Variants in CACNA1A observed in about 807,000 individuals in gnomAD.
The protein encoded by CACNA1A is voltage-dependent P/Q-type calcium channel subunit alpha-1A.
A neutral mutation model predicts 262.4 loss-of-function variants in CACNA1A; 57 were observed. The observed-to-expected ratio is 0.22, with a 90% CI of 0.18 to 0.27. The LOEUF (loss-of-function observed/expected upper bound fraction) is 0.27. CACNA1A is among the 10% of genes least tolerant of loss of function. The pLI is 1.00. For synonymous variants in CACNA1A, 1,431 were observed against 1,419.3 expected (o/e 1.01, Z -0.18); for missense variants, 2,526 against 3,562.8 (o/e 0.71, Z 7.41).
chr19:13,443,482 T>C (rs541207691), intron 3 of CACNA1A, among the ~76,000 whole-genome samples: 2 of 152,202 alleles, frequency 1.3e-5, no homozygotes, highest in African/African-American at 4.8e-5. Context: ...GCTGGGACTA[T>C]AGGCATGTAC....
rs1188726884 is a variant in CACNA1A at position 13,330,256 on chromosome 19, T to C, written c.1333A>G (p.Ile445Val). The C allele has an allele frequency of 2.6e-6, 4 of 1,556,918 alleles. No individual in the cohort carries two copies. The highest frequency in any genetic ancestry group is 3.5e-6 in the Non-Finnish European group (4 of 1,149,142). ...GGAAGGGACTCACCCACAGAGGCTA[T>C]ATCAGCCAGCTGATCCTCAGCCTCT... ...PEEAEDQLADIASVGSPFARA... is the reference protein window; with the variant it reads ...PEEAEDQLADVASVGSPFARA... Residue 445 changes from isoleucine (I) to valine (V), a missense_variant, in exon 10 of 47, where the codon ATA becomes GTA. By Grantham distance (29) the Ile-to-Val change is conservative (BLOSUM62 3). Around this residue, in one of 17 missense-constraint regions of CACNA1A, gnomAD observed 104 missense variants for 127.6 expected, o/e 0.81. Coordinates refer to ENST00000360228, the MANE Select transcript of CACNA1A (RefSeq NM_001127222.2).
chr19:13,248,762 G>A (rs2056319991), intron 30 of CACNA1A, among the ~76,000 whole-genome samples: 1 of 151,602 alleles, frequency 6.6e-6, no homozygotes, highest in Non-Finnish European at 1.5e-5. Flanking sequence ...ACAATTGCTT[G>A]AACCCGGGAA....
Position 13,298,625 on chromosome 19 carries a change from C to A in CACNA1A, c.3008G>T (p.Arg1003Ile). 1 of 1,529,554 alleles carries A rather than the reference C, an allele frequency of 6.5e-7. No individual in the cohort carries two copies. The highest frequency in any genetic ancestry group is 8.8e-7 in the Non-Finnish European group (1 of 1,137,364). 94.7% of individuals were successfully genotyped at this position (1,529,554 alleles called of 1,614,324 possible). A position where few individuals can be genotyped will look rare whatever the true frequency, so the allele number is the denominator to read the frequency against. ...GGCTGGAGCGCCATGCCGGTGCCTTCTCCTGCGCTCGCCCCCGTCGGGGCC... is the reference window on the plus strand; with the variant it reads ...GGCTGGAGCGCCATGCCGGTGCCTTATCCTGCGCTCGCCCCCGTCGGGGCC... ...GEGPDGGERR[R>I]RHRHGAPATY... The change falls in exon 19 of 47, where the codon AGA becomes ATA. Residue 1003 changes from arginine to isoleucine, a missense_variant. Physicochemically the swap from Arg to Ile is moderately conservative, Grantham distance 97. Coordinates refer to ENST00000360228, the MANE Select transcript of CACNA1A (RefSeq NM_001127222.2).
At chr19:13,223,770 C>T (rs2055328329) in intron 38 of CACNA1A, among the ~76,000 whole-genome samples, 1 of 152,158 alleles carries the variant, frequency 6.6e-6, no homozygotes, top group East Asian at 1.9e-4. Flanking sequence ...GAGACACTGC[C>T]TTACCTCCTC....
chr19:13,212,299 G>A lies in CACNA1A; in HGVS notation c.6190-83C>T. ...TGTCTGCAGAGGGAGGGAGCTGCAG[G>A]TGTGTGTGTGTGGGGGGCCCAGATC... On this transcript the variant is annotated intron_variant, in intron 42 of 46. Coordinates refer to ENST00000360228, the MANE Select transcript of CACNA1A (RefSeq NM_001127222.2). The surrounding 1 kb of genome is among the most constrained non-coding windows in gnomAD (Gnocchi z 5.6). 6 of 1,542,874 alleles carry A rather than the reference G, an allele frequency of 3.9e-6. No individual in the cohort carries two copies. The highest frequency in any genetic ancestry group is 2.3e-5 in the South Asian group (2 of 88,156).
intron 7 of CACNA1A, 68 bp from the exon 8 acceptor site, chr19:13,334,561 T>TTGTGTGTGTGTGTG (rs1196739807): frequency 8.3e-5 from 26 of 312,718 alleles, no homozygotes; most frequent in African/African-American, 6.7e-4. Flanking sequence ...GTGTGTGTGT[T>TTGTGTGTGTGTGTG]TGTGTGTGTG....
At chr19:13,345,878 C>A (rs929498417) in intron 6 of CACNA1A, among the ~76,000 whole-genome samples, 3 of 143,942 alleles carry the variant, frequency 2.1e-5, no homozygotes, top group African/African-American at 7.8e-5. Context: ...ATTATATAGG[C>A]TGTCTGTTCA....
At chr19:13,439,107 A>C (rs1260059012) in intron 3 of CACNA1A, among the ~76,000 whole-genome samples, 5 of 149,878 alleles carry the variant, frequency 3.3e-5, no homozygotes, top group African/African-American at 9.9e-5. Context: ...CTTGTCCTCA[A>C]ATTTTTTTTT....
intron 27 of CACNA1A, 47 bp downstream of exon 27, chr19:13,259,517 T>G (rs763024520): frequency 1.3e-6 from 2 of 1,557,040 alleles, no homozygotes; most frequent in East Asian, 4.7e-5. Context: ...TTTATCCTCC[T>G]GCTCCCCAGG....
chr19:13,208,869 G>A lies in CACNA1A; in HGVS notation c.6667C>T (p.Pro2223Ser), dbSNP rs768221184. 13 of 1,536,142 alleles carry A rather than the reference G, an allele frequency of 8.5e-6. No homozygotes were observed. The Admixed American group carries it at 2.0e-4, about 23-fold the overall frequency. ...TCCTGGGCATAGCGGTCCTTGTCGG[G>A]GGGCGGGGGATGGTGGTGGTGGTGG... ...HHHHHHHPPP[P>S]DKDRYAQERP... Residue 2223 changes from proline (P) to serine (S), a missense_variant, in exon 46 of 47, where the codon CCC (proline) becomes TCC (serine). This residue lies in a region of CACNA1A where 929 missense variants were observed against 868.1 expected (regional missense o/e 1.07). Transcript: ENST00000360228.
chr19:13,461,296 C>A (rs1290140582), intron 1 of CACNA1A, among the ~76,000 whole-genome samples: 2 of 152,106 alleles, frequency 1.3e-5, no homozygotes, highest in South Asian at 4.1e-4. Flanking sequence ...GCCGAGATAA[C>A]GCCACTGCAC....
intron 3 of CACNA1A, among the ~76,000 whole-genome samples, chr19:13,429,986 G>T (rs1467133754): frequency 1.6e-5 from 2 of 124,288 alleles, no homozygotes; most frequent in African/African-American, 6.1e-5. Flanking sequence ...GGAGTAGGGT[G>T]GGGGGAGTGG....
At chr19:13,462,315 A>G (rs896000458) in intron 1 of CACNA1A, among the ~76,000 whole-genome samples, 1 of 152,216 alleles carries the variant, frequency 6.6e-6, no homozygotes, top group African/African-American at 2.4e-5. Flanking sequence ...TGTAGCAGTT[A>G]GCCAGGTCAT....
rs190551509 is a variant in CACNA1A at position 13,298,590 on chromosome 19, C to T, written c.3043G>A (p.Gly1015Arg). The T allele has an allele frequency of 4.0e-5, 62 of 1,541,918 alleles. 1 individual carries two copies. In the African/African-American group the frequency reaches 6.4e-4, roughly 16 times the overall value. Residue 1015 changes from glycine to arginine, a missense_variant, in exon 19 of 47, where the codon GGG becomes AGG. This residue lies in a region of CACNA1A where 765 missense variants were observed against 748.6 expected (regional missense o/e 1.02). Transcript: ENST00000360228. ...HRHGAPATYE[G>R]DARREDKERR... ...TCCTTGTCCTCCCTCCGCGCGTCCC[C>T]CTCGTACGTGGCTGGAGCGCCATGC...
intron 3 of CACNA1A, among the ~76,000 whole-genome samples, chr19:13,400,266 GT>G (rs1404099220): frequency 6.6e-6 from 1 of 152,112 alleles, no homozygotes; most frequent in African/African-American, 2.4e-5. Flanking sequence ...AACTGATCAT[GT>G]ATAACACTGC....
At chr19:13,418,982 C>A (rs2060272194) in intron 3 of CACNA1A, among the ~76,000 whole-genome samples, 1 of 152,098 alleles carries the variant, frequency 6.6e-6, no homozygotes, top group South Asian at 2.1e-4. Context: ...CAACCTCCAC[C>A]TCCCAGGTTC....
chr19:13,354,035 T>TA (rs2058961547), intron 6 of CACNA1A, among the ~76,000 whole-genome samples: 1 of 152,222 alleles, frequency 6.6e-6, no homozygotes, highest in African/African-American at 2.4e-5. Flanking sequence ...GTGGAGATTT[T>TA]AGTCTGTCTT....
intron 16 of CACNA1A, 37 bp downstream of exon 16, chr19:13,303,730 C>T: frequency 6.4e-7 from 1 of 1,568,954 alleles, no homozygotes; most frequent in Non-Finnish European, 8.8e-7. Flanking sequence ...TGCCAGAGGT[C>T]CAGGCCTGTC....
intron 6 of CACNA1A, among the ~76,000 whole-genome samples, chr19:13,348,701 T>A (rs1385202948): frequency 4.2e-4 from 64 of 152,152 alleles, no homozygotes; most frequent in Non-Finnish European, 5.9e-5. Context: ...CTGGGCGTGT[T>A]GGTGCATGCC....
Sources: allele counts gnomAD v4.1 joint callset (sites outside exome capture counted in the v4.1 genomes callset), GRCh38; gene constraint gnomAD v4.1.1; regional missense constraint gnomAD v4.1.1; non-coding constraint Gnocchi (gnomAD v3.1); transcripts MANE v1.5; gene names NCBI Gene and HGNC (gene_info 2026-07-23, HGNC 2026-07-21).